GALNTL6: variants seen among roughly 807,000 people sequenced by gnomAD.
GALNTL6 encodes polypeptide N-acetylgalactosaminyltransferase-like 6.
Under a neutral mutation model 73.7 loss-of-function variants are expected in GALNTL6, and 46 were observed. The ratio of observed to expected loss-of-function variants is 0.62; its 90% CI spans 0.49 to 0.80. The LOEUF (loss-of-function observed/expected upper bound fraction) is 0.80, where lower values mean the gene tolerates loss of function less well. Ranked by LOEUF, GALNTL6 falls within the 30% of genes least tolerant of loss-of-function variation. The pLI is 0.00. For synonymous variants in GALNTL6, 259 were observed against 263.7 expected (o/e 0.98, Z 0.17); for missense variants, 604 against 755.0 (o/e 0.80, Z 2.34).
At chr4:172,067,065 C>A (rs1731386353) in intron 2 of GALNTL6, among the ~76,000 whole-genome samples, 1 of 151,782 alleles carries the variant, frequency 6.6e-6, no homozygotes, top group Admixed American at 6.6e-5. Context: ...CCACTTTCAC[C>A]ATGGTTCTTA....
intron 5 of GALNTL6, among the ~76,000 whole-genome samples, chr4:172,717,541 G>T (rs1735180863): frequency 6.6e-6 from 1 of 152,144 alleles, no homozygotes; most frequent in Non-Finnish European, 1.5e-5. Context: ...GCGGGGAAAA[G>T]GAATGCCTAT....
intron 7 of GALNTL6, among the ~76,000 whole-genome samples, chr4:172,860,720 A>G (rs1560998068): frequency 6.6e-6 from 1 of 152,222 alleles, no homozygotes; most frequent in Admixed American, 6.5e-5. Flanking sequence ...AGGAAAATAT[A>G]TATGAAAATG....
At chr4:172,898,411 G>C (rs899674089) in intron 8 of GALNTL6, among the ~76,000 whole-genome samples, 1 of 141,900 alleles carries the variant, frequency 7.0e-6, no homozygotes, top group African/African-American at 2.6e-5. Flanking sequence ...AGAAAATAAA[G>C]AGCAAAAGGT....
At chr4:172,120,292 G>A (rs1457208128) in intron 2 of GALNTL6, among the ~76,000 whole-genome samples, 1 of 152,034 alleles carries the variant, frequency 6.6e-6, no homozygotes, top group African/African-American at 2.4e-5. Flanking sequence ...CAAGTGCTGG[G>A]GGTCAGAAGT....
At chr4:172,195,302 A>G (rs953914619) in intron 2 of GALNTL6, among the ~76,000 whole-genome samples, 1 of 152,148 alleles carries the variant, frequency 6.6e-6, no homozygotes, top group African/African-American at 2.4e-5. Context: ...ATTCTTAGAG[A>G]CCTACAAAGA....
intron 2 of GALNTL6, among the ~76,000 whole-genome samples, chr4:172,044,560 G>C (rs1742168544): frequency 6.6e-6 from 1 of 151,706 alleles, no homozygotes; most frequent in African/African-American, 2.4e-5. Context: ...GGCCACCAAA[G>C]TTCTATAATG....
At chr4:171,930,067 C>T (rs371565730) in intron 2 of GALNTL6, among the ~76,000 whole-genome samples, 12 of 152,346 alleles carry the variant, frequency 7.9e-5, no homozygotes, top group East Asian at 7.7e-4. Flanking sequence ...CCTGAACATG[C>T]CTAACAGCCA....
chr4:172,294,280 G>A (rs1423347724), intron 3 of GALNTL6, among the ~76,000 whole-genome samples: 1 of 151,550 alleles, frequency 6.6e-6, no homozygotes, highest in African/African-American at 2.4e-5. Context: ...TACTTTCTTT[G>A]ATAGTTTTTA....
At chr4:172,055,345 C>A (rs1219475154) in intron 2 of GALNTL6, among the ~76,000 whole-genome samples, 2 of 152,132 alleles carry the variant, frequency 1.3e-5, no homozygotes, top group African/African-American at 4.8e-5. Flanking sequence ...GAACTAAAAA[C>A]TCTCCTAATG....
At chr4:172,843,718 G>GC (rs1282947258) in intron 7 of GALNTL6, among the ~76,000 whole-genome samples, 1 of 152,180 alleles carries the variant, frequency 6.6e-6, no homozygotes, top group African/African-American at 2.4e-5. Flanking sequence ...AGAAATGACA[G>GC]ATGTCCTTGA....
intron 5 of GALNTL6, among the ~76,000 whole-genome samples, chr4:172,445,401 C>T (rs1354933416): frequency 6.6e-6 from 1 of 152,152 alleles, no homozygotes. Context: ...TGAACCTAAA[C>T]ATATTTAACT....
chr4:172,110,771 G>T (rs1732827706), intron 2 of GALNTL6, among the ~76,000 whole-genome samples: 1 of 152,066 alleles, frequency 6.6e-6, no homozygotes, highest in South Asian at 2.1e-4. Context: ...AATGTTAAAT[G>T]TTGCAGATTT....
At chr4:172,026,432 A>G (rs1014334202) in intron 2 of GALNTL6, among the ~76,000 whole-genome samples, 2 of 152,152 alleles carry the variant, frequency 1.3e-5, no homozygotes, top group South Asian at 2.1e-4. Context: ...ATGTAGGTTC[A>G]AATTATCTGT....
chr4:172,615,572 T>C (rs1738694432), intron 5 of GALNTL6, among the ~76,000 whole-genome samples: 1 of 152,200 alleles, frequency 6.6e-6, no homozygotes, highest in African/African-American at 2.4e-5. Context: ...CTCCTCAAAG[T>C]GAAAGCAATG....
intron 5 of GALNTL6, 58 bp downstream of exon 5, chr4:172,348,747 G>A (rs1299609976): frequency 8.4e-7 from 1 of 1,183,448 alleles, no homozygotes; most frequent in Non-Finnish European, 1.2e-6. Context: ...TAATCATTAA[G>A]GACTTTTTAA....
At chr4:173,000,054 T>C (rs1751977067) in intron 10 of GALNTL6, among the ~76,000 whole-genome samples, 2 of 152,170 alleles carry the variant, frequency 1.3e-5, no homozygotes, top group Non-Finnish European at 2.9e-5. Flanking sequence ...TACTACATCT[T>C]GATACTACTG....
intron 2 of GALNTL6, among the ~76,000 whole-genome samples, chr4:172,012,017 G>A (rs1439277060): frequency 6.6e-6 from 1 of 151,922 alleles, no homozygotes; most frequent in African/African-American, 2.4e-5. Flanking sequence ...TGTCATTTCA[G>A]GTGGGCAATA....
rs377277506 is a variant in GALNTL6, at chr4:171,864,535, A to T, written c.138+49817A>T. 3.0e-4 allele frequency among the ~76,000 whole-genome samples: 46 copies of T among 152,342 alleles called. 1 individual carries two copies. In the South Asian group the frequency reaches 7.7e-3, roughly 25 times the overall value. ...ATTGGAAGCTGTAAATTGCCCACTG[A>T]ATCTTTCCTGATAGTCATACCACAC... On this transcript the variant is annotated intron_variant, in intron 2 of 12. Coordinates refer to ENST00000506823, the MANE Select transcript of GALNTL6 (RefSeq NM_001034845.3).
At chr4:172,187,112 T>C (rs1407231107) in intron 2 of GALNTL6, among the ~76,000 whole-genome samples, 1 of 152,110 alleles carries the variant, frequency 6.6e-6, no homozygotes, top group African/African-American at 2.4e-5. Flanking sequence ...TAGTTGCTGA[T>C]TACAAAATTG....
Sources: gnomAD v4.1 joint callset for allele counts (sites outside exome capture counted in the v4.1 genomes callset) on GRCh38, gnomAD v4.1.1 for gene constraint, MANE v1.5 for transcripts, NCBI Gene and HGNC (gene_info 2026-07-23, HGNC 2026-07-21) for gene names.